PLCE1: variants seen among roughly 807,000 people sequenced by gnomAD.
The protein encoded by PLCE1 is 1-phosphatidylinositol 4,5-bisphosphate phosphodiesterase epsilon-1.
A neutral mutation model predicts 242.8 loss-of-function variants in PLCE1; 119 were observed. The ratio of observed to expected loss-of-function variants is 0.49; its 90% CI spans 0.42 to 0.57. PLCE1 has a LOEUF of 0.57. Among genes scored for constraint, PLCE1 ranks in the 20% least tolerant of loss-of-function variants. The pLI, the probability that PLCE1 is intolerant of heterozygous loss-of-function variation, is 0.00. For missense variants in PLCE1, 2,441 were observed against 2,788.8 expected (o/e 0.88, Z 2.81); for synonymous variants, 945 against 1,017.4 (o/e 0.93, Z 1.35).
At chr10:94,029,890 A>G (rs7082530) in intron 1 of PLCE1, among the ~76,000 whole-genome samples, 59,225 of 151,994 alleles carry the variant, frequency 0.39, 13,968 homozygotes, top group African/African-American at 0.67. Context: ...CATCATGGGC[A>G]CCTTCTAGTC....
intron 20 of PLCE1, chr10:94,283,577 A>G (rs548725608): frequency 6.7e-6 from 3 of 445,306 alleles, no homozygotes; most frequent in East Asian, 9.6e-5. Flanking sequence ...GACAAAAACT[A>G]CTGGTAAATA....
chr10:94,143,232 A>G (rs1397696633), intron 3 of PLCE1, among the ~76,000 whole-genome samples: 1 of 152,164 alleles, frequency 6.6e-6, no homozygotes, highest in African/African-American at 2.4e-5. Context: ...TGCTGATATC[A>G]TCTCTATTTT....
intron 3 of PLCE1, among the ~76,000 whole-genome samples, chr10:94,164,561 CT>C (rs1247209293): frequency 6.6e-6 from 1 of 152,154 alleles, no homozygotes; most frequent in Non-Finnish European, 1.5e-5. Context: ...AGGTTTTTAA[CT>C]TCTTTGCCCT....
chr10:93,994,854 A>G (rs1215341446), intron 1 of PLCE1, among the ~76,000 whole-genome samples: 1 of 152,212 alleles, frequency 6.6e-6, no homozygotes, highest in African/African-American at 2.4e-5. Context: ...CGACTTAACC[A>G]ATTATTCAGT....
intron 2 of PLCE1, among the ~76,000 whole-genome samples, chr10:94,049,591 G>GTCTCTCTC (rs1437553760): frequency 1.1e-4 from 17 of 151,332 alleles, no homozygotes; most frequent in African/African-American, 3.9e-4. Flanking sequence ...CTGTCTGTCT[G>GTCTCTCTC]TCTGTCTGTC....
chr10:94,002,217 T>G (rs1377684543), intron 1 of PLCE1, among the ~76,000 whole-genome samples: 5 of 152,282 alleles, frequency 3.3e-5, no homozygotes, highest in African/African-American at 1.2e-4. Flanking sequence ...CAAAAATCAA[T>G]TTCCTGCACC....
intron 4 of PLCE1, among the ~76,000 whole-genome samples, chr10:94,184,450 C>G (rs969237832): frequency 3.9e-5 from 6 of 152,210 alleles, no homozygotes; most frequent in African/African-American, 1.4e-4. Flanking sequence ...CTGCCTCAGC[C>G]TCTCTAGTCG....
At chr10:94,121,895 C>T (rs894533410) in intron 2 of PLCE1, among the ~76,000 whole-genome samples, 2 of 152,142 alleles carry the variant, frequency 1.3e-5, no homozygotes, top group African/African-American at 2.4e-5. Flanking sequence ...ATGACCAAGG[C>T]CCTGGGAGCC....
chr10:94,202,483 A>C (rs986581641), intron 4 of PLCE1, among the ~76,000 whole-genome samples: 1 of 151,754 alleles, frequency 6.6e-6, no homozygotes, highest in African/African-American at 2.4e-5. Context: ...CTTTACCACC[A>C]CCCCCCATAG....
At chr10:94,110,465 C>T (rs1296651221) in intron 2 of PLCE1, among the ~76,000 whole-genome samples, 1 of 151,940 alleles carries the variant, frequency 6.6e-6, no homozygotes, top group African/African-American at 2.4e-5. Flanking sequence ...TAGTGAAAAC[C>T]CAGAAACAAA....
At chr10:94,052,216 A>G (rs1036558048) in intron 2 of PLCE1, among the ~76,000 whole-genome samples, 1 of 152,228 alleles carries the variant, frequency 6.6e-6, no homozygotes, top group African/African-American at 2.4e-5. Flanking sequence ...ATTCAGTTGC[A>G]TTTGACAAGA....
At chr10:94,327,706 AAC>A (rs1355270031) in intron 32 of PLCE1, among the ~76,000 whole-genome samples, 1 of 152,236 alleles carries the variant, frequency 6.6e-6, no homozygotes, top group African/African-American at 2.4e-5. Context: ...CTTAAAGTTG[AAC>A]AGTTTATTTG....
intron 5 of PLCE1, among the ~76,000 whole-genome samples, chr10:94,230,843 A>G (rs1379231286): frequency 6.6e-6 from 1 of 151,190 alleles, no homozygotes; most frequent in African/African-American, 2.4e-5. Context: ...TCCTGGCCTC[A>G]AGTGATCTCC....
At chr10:94,309,502 T>C (rs1487937279) in intron 27 of PLCE1, among the ~76,000 whole-genome samples, 1 of 152,052 alleles carries the variant, frequency 6.6e-6, no homozygotes, top group African/African-American at 2.4e-5. Context: ...AGATAATGTT[T>C]TTCTATAGAG....
chr10:94,064,425 C>G (rs369706244), intron 2 of PLCE1, among the ~76,000 whole-genome samples: 2 of 152,076 alleles, frequency 1.3e-5, no homozygotes, highest in Admixed American at 1.3e-4. Flanking sequence ...CACTGTAGTC[C>G]CAACTACTCA....
chr10:94,327,913 G>A, intron 32 of PLCE1, 55 bp from the exon 33 acceptor site: 5 of 507,402 alleles, frequency 9.9e-6, no homozygotes, highest in Non-Finnish European at 2.0e-5. Context: ...TACCGCAAGT[G>A]TTTCTGTTTC....
chr10:94,329,376 C>T lies in PLCE1; in HGVS notation c.*1433C>T, dbSNP rs774540054. 1 of 152,138 alleles carries T rather than the reference C, an allele frequency of 6.6e-6. No homozygotes were observed. Among genetic ancestry groups the T allele is most frequent in the Non-Finnish European group, 1.5e-5 (1 of 68,012 alleles). 9.4% of individuals were successfully genotyped at this position (152,138 alleles called of 1,614,324 possible). A position where few individuals can be genotyped will look rare whatever the true frequency, so the allele number is the denominator to read the frequency against. ...TTTTAAGACACTTTTCTTCAAATTA[C>T]AAAACACTAAAACTCACTCCTAAAC... On this transcript the variant is annotated 3_prime_UTR_variant, in exon 33 of 33. Coordinates refer to ENST00000371380, the MANE Select transcript of PLCE1 (RefSeq NM_016341.4).
intron 4 of PLCE1, among the ~76,000 whole-genome samples, chr10:94,213,781 G>A (rs1205520675): frequency 1.3e-5 from 2 of 152,322 alleles, no homozygotes; most frequent in East Asian, 3.9e-4. Context: ...GCTACATCTT[G>A]AAGAAGGAGC....
intron 2 of PLCE1, among the ~76,000 whole-genome samples, chr10:94,111,792 T>C (rs2045963705): frequency 6.6e-6 from 1 of 152,242 alleles, no homozygotes; most frequent in South Asian, 2.1e-4. Flanking sequence ...AGTATAATGA[T>C]CAATGGATTG....
Sources: gnomAD v4.1 joint callset for allele counts (sites outside exome capture counted in the v4.1 genomes callset) on GRCh38, gnomAD v4.1.1 for gene constraint, MANE v1.5 for transcripts, NCBI Gene and HGNC (gene_info 2026-07-23, HGNC 2026-07-21) for gene names.